Variants in CNOT6L observed in about 807,000 individuals in gnomAD.
The protein encoded by CNOT6L is CCR4-NOT transcription complex subunit 6 like.
CNOT6L carries 7 observed loss-of-function variants against 64.0 expected under a neutral mutation model. The ratio of observed to expected loss-of-function variants is 0.11; its 90% CI spans 0.06 to 0.21. The LOEUF (loss-of-function observed/expected upper bound fraction) is 0.21. Among genes scored for constraint, CNOT6L ranks in the 10% least tolerant of loss-of-function variants. CNOT6L has a pLI of 1.00. For synonymous variants in CNOT6L, 193 were observed against 243.4 expected (o/e 0.79, Z 1.93); for missense variants, 245 against 669.0 (o/e 0.37, Z 6.99).
In CNOT6L at chr4:77,804,548, G is replaced by A. The variant is rs1732000654; in HGVS notation, c.5+14756C>T. On this transcript the variant is annotated intron_variant, in intron 1 of 11. Transcript: ENST00000504123. ...TTATATGATTCTACTTATATTAAAT[G>A]ACTAGAAGAAGCAAATCCATAGAGA... Among the ~76,000 whole-genome samples the A allele has an allele frequency of 2.6e-5, 4 of 151,850 alleles. No individual in the cohort carries two copies. In the South Asian group the frequency reaches 8.3e-4, roughly 31 times the overall value.
Position 77,716,933 on chromosome 4 carries a change from T to C in CNOT6L, c.*3498A>G, listed in dbSNP as rs955642726. The C allele has an allele frequency of 6.6e-6, 1 of 152,560 alleles. No homozygotes were observed. The highest frequency in any genetic ancestry group is 2.4e-5 in the African/African-American group (1 of 41,444). 9.5% of individuals were successfully genotyped at this position (152,560 alleles called of 1,614,324 possible). A position where few individuals can be genotyped will look rare whatever the true frequency, so the allele number is the denominator to read the frequency against. ...GAGGAAAAGCTGGTCTCAGAACCCA[T>C]TGTGCCATACCTGACTTCAACATGT... On this transcript the variant is annotated 3_prime_UTR_variant, in exon 12 of 12. Transcript: ENST00000504123.
intron 5 of CNOT6L, among the ~76,000 whole-genome samples, chr4:77,750,083 G>GA (rs1246279958): frequency 4.0e-5 from 6 of 151,898 alleles, no homozygotes; most frequent in East Asian, 1.9e-4. Context: ...AAAAGAAGTA[G>GA]AAAAAAATAG....
Position 77,776,205 on chromosome 4 carries a change from T to C in CNOT6L, c.127+66A>G, listed in dbSNP as rs999072892. 20 of 1,506,068 alleles carry C rather than the reference T, an allele frequency of 1.3e-5. No individual in the cohort carries two copies. The East Asian group carries it at 3.4e-4, about 26-fold the overall frequency. The allele number at this position is 1,506,068 out of a possible 1,614,324, so 93.3% of individuals were successfully genotyped here. On this transcript the variant is annotated intron_variant, in intron 2 of 11. Transcript: ENST00000504123. ...AATTAAAAATGTACAACAAAAAATA[T>C]AGCAATACTCAACTTTTGTATTATC...
intron 1 of CNOT6L, chr4:77,819,017 C>A (rs2110205661): frequency 1.5e-6 from 1 of 674,518 alleles, no homozygotes; most frequent in Non-Finnish European, 2.7e-6. Flanking sequence ...GAGGGACACG[C>A]CACTCTGGGG....
intron 5 of CNOT6L, among the ~76,000 whole-genome samples, chr4:77,756,193 T>C (rs1044974497): frequency 6.6e-6 from 1 of 152,114 alleles, no homozygotes. Context: ...GGTTTCACCA[T>C]GTTGGCCAGG....
chr4:77,776,234 A>G, intron 2 of CNOT6L, 37 bp downstream of exon 2: 3 of 1,600,006 alleles, frequency 1.9e-6, no homozygotes, highest in Non-Finnish European at 2.6e-6. Flanking sequence ...TATTATCACT[A>G]TTACATTCCA....
At chr4:77,792,292 G>A (rs1473167668) in intron 1 of CNOT6L, among the ~76,000 whole-genome samples, 1 of 151,806 alleles carries the variant, frequency 6.6e-6, no homozygotes, top group African/African-American at 2.4e-5. Flanking sequence ...CAACTATAGA[G>A]GCAAAAATTC....
At chr4:77,789,299 C>A (rs948140397) in intron 1 of CNOT6L, among the ~76,000 whole-genome samples, 1 of 152,074 alleles carries the variant, frequency 6.6e-6, no homozygotes, top group African/African-American at 2.4e-5. Context: ...CAGCTCCCCC[C>A]ACGCTCCCCC....
intron 1 of CNOT6L, among the ~76,000 whole-genome samples, chr4:77,782,496 C>A (rs1728972223): frequency 9.2e-6 from 1 of 109,170 alleles, no homozygotes; most frequent in African/African-American, 3.1e-5. Flanking sequence ...TCACACCCAG[C>A]TAATTTTATT....
intron 4 of CNOT6L, among the ~76,000 whole-genome samples, chr4:77,768,474 A>ATATATATAT (rs1727124850): frequency 4.0e-3 from 52 of 13,052 alleles, no homozygotes; most frequent in Middle Eastern, 0.031. Context: ...AAAATAAATA[A>ATATATATAT]ATATATATAT....
At chr4:77,745,249 C>A (rs1391185445) in intron 6 of CNOT6L, among the ~76,000 whole-genome samples, 1 of 152,136 alleles carries the variant, frequency 6.6e-6, no homozygotes, top group East Asian at 1.9e-4. Flanking sequence ...AATCTCATTA[C>A]CTCTTATTAA....
At chr4:77,801,277 G>A (rs1731517181) in intron 1 of CNOT6L, among the ~76,000 whole-genome samples, 3 of 152,088 alleles carry the variant, frequency 2.0e-5, no homozygotes, top group Admixed American at 1.3e-4. Flanking sequence ...TCAATTCCTA[G>A]GTTTTCCTGG....
At chr4:77,819,253 C>T in intron 1 of CNOT6L, 51 bp downstream of exon 1, 1 of 1,613,478 alleles carries the variant, frequency 6.2e-7, no homozygotes, top group Non-Finnish European at 8.5e-7. Flanking sequence ...CGGGGACGCG[C>T]TCCTCTTCCC....
chr4:77,786,059 T>C (rs907342619), intron 1 of CNOT6L, among the ~76,000 whole-genome samples: 3 of 151,986 alleles, frequency 2.0e-5, no homozygotes, highest in African/African-American at 7.3e-5. Flanking sequence ...GGAGAGTGGA[T>C]CACCTGAGGT....
intron 1 of CNOT6L, among the ~76,000 whole-genome samples, chr4:77,786,617 T>C (rs537712084): frequency 6.4e-4 from 97 of 152,088 alleles, no homozygotes; most frequent in Admixed American, 9.2e-4. Context: ...TGGGACTATA[T>C]GTGCATACCA....
At chr4:77,744,928 T>C in intron 6 of CNOT6L, 53 bp from the exon 7 acceptor site, 1 of 1,500,202 alleles carries the variant, frequency 6.7e-7, no homozygotes. Context: ...TAGGCAACTT[T>C]TTCTAAAGCA....
upstream of CNOT6L, chr4:77,819,433 A>T (rs1734048330): frequency 6.3e-7 from 1 of 1,580,226 alleles, no homozygotes; most frequent in Non-Finnish European, 8.6e-7. Flanking sequence ...CCGCGGCCGC[A>T]GACGCAGACG....
At chr4:77,773,699 AAAC>A (rs1466754455) in intron 3 of CNOT6L, among the ~76,000 whole-genome samples, 1 of 152,156 alleles carries the variant, frequency 6.6e-6, no homozygotes, top group African/African-American at 2.4e-5. Context: ...AAAGAATAAG[AAAC>A]AACAGGTGAA....
intron 4 of CNOT6L, among the ~76,000 whole-genome samples, chr4:77,767,082 A>AG (rs1726925868): frequency 7.0e-6 from 1 of 143,402 alleles, no homozygotes; most frequent in African/African-American, 2.5e-5. Flanking sequence ...AAAAAAAAAA[A>AG]AAAAGGGAAA....
Sources: gnomAD v4.1 joint callset for allele counts (sites outside exome capture counted in the v4.1 genomes callset) on GRCh38, gnomAD v4.1.1 for gene constraint, MANE v1.5 for transcripts, NCBI Gene and HGNC (gene_info 2026-07-23, HGNC 2026-07-21) for gene names.